The following RAD50 variants were observed in gnomAD, a reference collection of about 807,000 sequenced individuals.
The protein encoded by RAD50 is RAD50 double strand break repair protein.
A neutral mutation model predicts 168.8 loss-of-function variants in RAD50; 132 were observed. The observed-to-expected ratio is 0.78, with a 90% CI of 0.68 to 0.90. The LOEUF is 0.90. RAD50 is among the 40% of genes least tolerant of loss of function. RAD50 has a pLI of 0.00. For synonymous variants in RAD50, 525 were observed against 497.4 expected, an observed-to-expected ratio of 1.06 and a Z score of -0.74; for missense variants, 1,347 against 1,534.4, an observed-to-expected ratio of 0.88 and a Z score of 2.04.
chr5:132,567,458 G>A (rs1750228508), intron 2 of RAD50, among the ~76,000 whole-genome samples: 1 of 152,154 alleles, frequency 6.6e-6, no homozygotes, highest in Non-Finnish European at 1.5e-5. Context: ...GGCAGAATTG[G>A]GCATCACTAG....
intron 2 of RAD50, among the ~76,000 whole-genome samples, chr5:132,571,560 C>T (rs1394459892): frequency 6.6e-6 from 1 of 151,982 alleles, no homozygotes; most frequent in African/African-American, 2.4e-5. Flanking sequence ...TCTACAAAAA[C>T]TACAAAAATT....
intron 19 of RAD50, among the ~76,000 whole-genome samples, chr5:132,615,614 A>C (rs1342374040): frequency 1.3e-5 from 2 of 152,214 alleles, no homozygotes; most frequent in Non-Finnish European, 2.9e-5. Context: ...GTAGGTATTA[A>C]AATATCTAGT....
intron 23 of RAD50, among the ~76,000 whole-genome samples, chr5:132,639,967 A>G (rs1217172816): frequency 6.6e-6 from 1 of 152,196 alleles, no homozygotes. Flanking sequence ...CTCACACCAG[A>G]GTAGTTTATA....
At position 132,604,926 on chromosome 5, in the gene RAD50, A is replaced by G; in HGVS notation, c.2645A>G (p.Gln882Arg). The G allele has an allele frequency of 6.2e-7, 1 of 1,614,044 alleles. No homozygotes were observed. The change falls in exon 16 of 25, where the codon CAA becomes CGA. Residue 882 changes from glutamine (Q) to arginine (R), a missense_variant. Gln to Arg is a conservative substitution (Grantham distance 43). Around this residue, in one of 3 missense-constraint regions of RAD50, gnomAD observed 635 missense variants for 739.2 expected, o/e 0.86. Coordinates refer to ENST00000378823, the MANE Select transcript of RAD50 (RefSeq NM_005732.4). Reference protein sequence around the residue: ...SEKLQISTNLQRRQQLEEQTV... With the variant: ...SEKLQISTNLRRRQQLEEQTV... ...AAACTTCAGATATCCACTAATTTGC[A>G]ACGTCGTCAGCAACTGGAGGAGCAG... is the stretch of plus-strand genomic sequence containing the variant.
At chr5:132,636,612 A>G (rs1751585377) in intron 21 of RAD50, among the ~76,000 whole-genome samples, 1 of 152,190 alleles carries the variant, frequency 6.6e-6, no homozygotes, top group South Asian at 2.1e-4. Context: ...GTGATAGAAG[A>G]GGGACAAGGT....
At position 132,609,314 on chromosome 5, in the gene RAD50, C is replaced by T; in HGVS notation, c.2954C>T (p.Ala985Val). 6.2e-7 allele frequency: 1 copy of T among 1,613,400 alleles called. No homozygotes were observed. Among genetic ancestry groups the T allele is most frequent in the African/African-American group, 1.3e-5 (1 of 74,928 alleles). Residue 985 changes from alanine (A) to valine (V), a missense_variant, in exon 19 of 25, where the codon GCT becomes GTT. By Grantham distance (64) the Ala-to-Val change is moderately conservative. Transcript: ENST00000378823. Reference protein sequence around the residue: ...QKETELNKVIAQLSECEKHKE... With the variant: ...QKETELNKVIVQLSECEKHKE... The stretch of plus-strand genomic sequence containing the variant: ...GAAACTGAACTTAATAAAGTAATAG[C>T]TCAACTAAGTGAATGCGAGAAACAC...
chr5:132,612,796 C>G (rs902583011), intron 19 of RAD50, among the ~76,000 whole-genome samples: 1 of 151,956 alleles, frequency 6.6e-6, no homozygotes, highest in South Asian at 2.1e-4. Flanking sequence ...CCACTGCACT[C>G]CAGCCTGGGC....
chr5:132,609,121 A>G lies in RAD50; in HGVS notation c.2834A>G (p.Asn945Ser), dbSNP rs1751036957. The change falls in exon 18 of 25, where the codon AAT (asparagine) becomes AGT (serine). Residue 945 changes from asparagine (N) to serine (S), a missense_variant. Asn to Ser is a conservative substitution (Grantham distance 46, BLOSUM62 1). This residue lies in a region of RAD50 where 635 missense variants were observed against 739.2 expected (regional missense o/e 0.86). Transcript: ENST00000378823. The stretch of plus-strand genomic sequence containing the variant: ...TTAATGAATATTTTTCTACAGCTGA[A>G]TGATATTAAAGAGAAGGTTAAAAAT... ...TSNKIAQDKL[N>S]DIKEKVKNIH... 6.2e-7 allele frequency: 1 copy of G among 1,611,200 alleles called. No homozygotes were observed.
intron 20 of RAD50, among the ~76,000 whole-genome samples, chr5:132,616,724 C>T (rs1392920159): frequency 6.6e-6 from 1 of 152,168 alleles, no homozygotes; most frequent in Non-Finnish European, 1.5e-5. Flanking sequence ...CTTGTTGATG[C>T]TAAGGCACTA....
At position 132,608,981 on chromosome 5, in the gene RAD50, T is replaced by C; in HGVS notation, c.2830-136T>C. 4 of 1,334,012 alleles carry C rather than the reference T, an allele frequency of 3.0e-6. No individual in the cohort carries two copies. In the South Asian group the frequency reaches 6.0e-5, roughly 20 times the overall value. 82.6% of individuals were successfully genotyped at this position (1,334,012 alleles called of 1,614,324 possible). A position where few individuals can be genotyped will look rare whatever the true frequency, so the allele number is the denominator to read the frequency against. ...TTCCTATAGGTGAGAAAGGGACTTG[T>C]CTGCGATCATAAAATTCAGTAGTGG... On this transcript the variant is annotated intron_variant, in intron 17 of 24. Coordinates refer to ENST00000378823, the MANE Select transcript of RAD50 (RefSeq NM_005732.4).
intron 10 of RAD50, among the ~76,000 whole-genome samples, chr5:132,591,625 G>A (rs1750701575): frequency 1.3e-5 from 2 of 151,948 alleles, no homozygotes; most frequent in Admixed American, 1.3e-4. Context: ...ATACACACAT[G>A]CACATTACTG....
At position 132,571,030 on chromosome 5, in the gene RAD50, C is replaced by T. The variant is rs192056744; in HGVS notation, c.214-4747C>T. On this transcript the variant is annotated intron_variant, in intron 2 of 24. Coordinates refer to ENST00000378823, the MANE Select transcript of RAD50 (RefSeq NM_005732.4). ...CAGGTTCCAAGGAGAGGGAGAGAGACGGGAATGGCAGGTCAGTAAAGCAGT... is the reference window on the plus strand; with the variant it reads ...CAGGTTCCAAGGAGAGGGAGAGAGATGGGAATGGCAGGTCAGTAAAGCAGT... Among the ~76,000 whole-genome samples the T allele has an allele frequency of 3.1e-3, 470 of 152,084 alleles. 5 individuals are homozygous for T. Among genetic ancestry groups the T allele is most frequent in the East Asian group, 4.6e-3 (24 of 5,178 alleles).
chr5:132,568,787 G>A (rs1340481878), intron 2 of RAD50, among the ~76,000 whole-genome samples: 1 of 152,142 alleles, frequency 6.6e-6, no homozygotes. Context: ...AAACAAAATG[G>A]TAGAGGTAAT....
rs148528550 is a variant in RAD50 at position 132,606,560 on chromosome 5, T to C, written c.2718+1561T>C. Among the ~76,000 whole-genome samples, 2,835 of 152,292 alleles carry C rather than the reference T, an allele frequency of 0.019. 174 individuals are homozygous for C. The East Asian group carries it at 0.24, about 13-fold the overall frequency. ...GAGGTACAAAGAGGAGCTGGTACCA[T>C]TCCTTCTGAAACTATTCCTAACAAT... On this transcript the variant is annotated intron_variant, in intron 16 of 24. Coordinates refer to ENST00000378823, the MANE Select transcript of RAD50 (RefSeq NM_005732.4).
intron 13 of RAD50, among the ~76,000 whole-genome samples, chr5:132,599,204 G>A (rs764976508): frequency 8.5e-5 from 13 of 152,156 alleles, no homozygotes; most frequent in Non-Finnish European, 1.8e-4. Context: ...CCAGGTAAAT[G>A]GCTGGTTACC....
At chr5:132,590,455 G>A (rs1169162103) in intron 9 of RAD50, among the ~76,000 whole-genome samples, 2 of 152,174 alleles carry the variant, frequency 1.3e-5, no homozygotes, top group Non-Finnish European at 2.9e-5. Context: ...GGGTGACAGA[G>A]TGGGACTCCA....
chr5:132,560,333 C>A (rs1238232012), intron 2 of RAD50, among the ~76,000 whole-genome samples: 1 of 151,500 alleles, frequency 6.6e-6, no homozygotes, highest in African/African-American at 2.4e-5. Flanking sequence ...ATTAAATGAC[C>A]CCCTGTTGAT....
intron 21 of RAD50, among the ~76,000 whole-genome samples, chr5:132,618,918 G>A (rs1162478267): frequency 6.6e-6 from 1 of 152,048 alleles, no homozygotes; most frequent in Non-Finnish European, 1.5e-5. Flanking sequence ...CCTATAACCA[G>A]TGACAAAGAT....
chr5:132,611,481 A>G (rs1041461191), intron 19 of RAD50, among the ~76,000 whole-genome samples: 15 of 151,948 alleles, frequency 9.9e-5, no homozygotes, highest in South Asian at 2.1e-4. Context: ...CAAGGCGGGC[A>G]GATCACGAGG....
Sources: allele counts gnomAD v4.1 joint callset (sites outside exome capture counted in the v4.1 genomes callset), GRCh38; gene constraint gnomAD v4.1.1; regional missense constraint gnomAD v4.1.1; transcripts MANE v1.5; gene names NCBI Gene and HGNC (gene_info 2026-07-23, HGNC 2026-07-21).